Variants in CDRT4 observed in about 807,000 individuals in gnomAD.
CDRT4 encodes CMT1A duplicated region transcript 4, also known as CMT1A duplicated region transcript 4 protein.
For synonymous variants in CDRT4, 64 were observed against 69.6 expected, an observed-to-expected ratio of 0.92 and a Z score of 0.40; for missense variants, 167 against 193.1, an observed-to-expected ratio of 0.87 and a Z score of 0.80.
At chr17:15,444,170 TG>T in intron 2 of CDRT4, 1 of 1,175,572 alleles carries the variant, frequency 8.5e-7, no homozygotes, top group Non-Finnish European at 1.3e-6. Flanking sequence ...AAAAAGGAAC[TG>T]TTCAGCAGGC....
At chr17:15,445,661 G>A (rs1386486838) in intron 2 of CDRT4, among the ~76,000 whole-genome samples, 1 of 152,156 alleles carries the variant, frequency 6.6e-6, no homozygotes, top group African/African-American at 2.4e-5. Flanking sequence ...GGGTATAACA[G>A]GGTCTTCAAT....
intron 2 of CDRT4, among the ~76,000 whole-genome samples, chr17:15,441,715 G>A (rs12941020): frequency 0.23 from 35,416 of 152,044 alleles, 4,795 homozygotes; most frequent in South Asian, 0.34. Flanking sequence ...AACAAAGGAT[G>A]GCATCCCGGA....
At chr17:15,465,355 A>T (rs969348924) in intron 1 of CDRT4, among the ~76,000 whole-genome samples, 4 of 147,764 alleles carry the variant, frequency 2.7e-5, no homozygotes, top group African/African-American at 1.0e-4. Flanking sequence ...ACATACCAAC[A>T]CCAGACACAC....
At chr17:15,449,860 C>T (rs57545907) in intron 2 of CDRT4, among the ~76,000 whole-genome samples, 3,739 of 152,290 alleles carry the variant, frequency 0.025, 149 homozygotes, top group African/African-American at 0.086. Flanking sequence ...TGGCTTCCAG[C>T]TCCATCTATA....
rs574506192 is a variant in CDRT4 at position 15,437,442 on chromosome 17, T to C, written c.*331A>G. On this transcript the variant is annotated 3_prime_UTR_variant, in exon 4 of 4. Coordinates refer to ENST00000619038, the MANE Select transcript of CDRT4 (RefSeq NM_001204477.2). ...ACCTGGTTAATCATTCTTTATATTA[T>C]CTCTAATAAAAGAGCTTGTGTGATT... The C allele has an allele frequency of 7.8e-5, 28 of 359,548 alleles. 1 individual carries two copies. The highest frequency in any genetic ancestry group is 2.7e-4 in the South Asian group (7 of 26,290). The allele number at this position is 359,548 out of a possible 1,614,324, so 22.3% of individuals were successfully genotyped here. A position where few individuals can be genotyped will look rare whatever the true frequency, so the allele number is the denominator to read the frequency against.
intron 1 of CDRT4, among the ~76,000 whole-genome samples, chr17:15,465,089 C>G (rs953653631): frequency 6.9e-6 from 1 of 144,938 alleles, no homozygotes. Flanking sequence ...TACAGACACA[C>G]ACAACACAGA....
At chr17:15,448,250 C>G (rs1230052458) in intron 2 of CDRT4, among the ~76,000 whole-genome samples, 1 of 152,130 alleles carries the variant, frequency 6.6e-6, no homozygotes, top group Non-Finnish European at 1.5e-5. Flanking sequence ...AGAAGAAGCC[C>G]CAGTCTCCAC....
At chr17:15,442,905 A>C (rs564808538) in intron 2 of CDRT4, among the ~76,000 whole-genome samples, 1 of 152,344 alleles carries the variant, frequency 6.6e-6, no homozygotes, top group East Asian at 1.9e-4. Flanking sequence ...ATTCCAGCAC[A>C]AAGGTTCCAT....
chr17:15,455,378 G>A lies in CDRT4; in HGVS notation c.-129-2293C>T, dbSNP rs1011415319. Among the ~76,000 whole-genome samples the A allele has an allele frequency of 2.0e-5, 3 of 152,196 alleles. No individual in the cohort carries two copies. The South Asian group carries it at 6.2e-4, about 32-fold the overall frequency. The stretch of plus-strand genomic sequence containing the variant: ...TCTTAACAGAACTGCAAAGGTGACA[G>A]AGCCAATAGGATGAATGGCAATTGG... On this transcript the variant is annotated intron_variant, in intron 1 of 3. Transcript: ENST00000619038.
rs1039096062 is a variant in CDRT4, at chr17:15,437,720, G to C, written c.*53C>G. ...GAGCTTAACTTTTGTACGTTCTTGG[G>C]GAATGGCTGCAGGGACCCCTGGCTA... On this transcript the variant is annotated 3_prime_UTR_variant, in exon 4 of 4. Coordinates refer to ENST00000619038, the MANE Select transcript of CDRT4 (RefSeq NM_001204477.2). 23 of 1,559,924 alleles carry C rather than the reference G, an allele frequency of 1.5e-5. No individual in the cohort carries two copies. The highest frequency in any genetic ancestry group is 1.9e-5 in the Non-Finnish European group (22 of 1,137,952).
intron 2 of CDRT4, among the ~76,000 whole-genome samples, chr17:15,448,304 T>A (rs1011749779): frequency 1.3e-5 from 2 of 152,216 alleles, no homozygotes; most frequent in Non-Finnish European, 2.9e-5. Flanking sequence ...GCCCATAGCA[T>A]GACCATGCAG....
intron 1 of CDRT4, among the ~76,000 whole-genome samples, chr17:15,466,948 T>C (rs1980067822): frequency 6.6e-6 from 1 of 152,234 alleles, no homozygotes; most frequent in African/African-American, 2.4e-5. Context: ...TGCTTAATAA[T>C]TTTTTAAAGG....
chr17:15,446,377 G>A (rs1979027967), intron 2 of CDRT4, among the ~76,000 whole-genome samples: 1 of 152,072 alleles, frequency 6.6e-6, no homozygotes, highest in African/African-American at 2.4e-5. Context: ...ACAAGAAGAT[G>A]ACCATTTCTT....
rs561679143 is a variant in CDRT4, at chr17:15,464,978, C to T, written c.-130+2482G>A. Among the ~76,000 whole-genome samples the T allele has an allele frequency of 6.6e-6, 1 of 150,434 alleles. No individual in the cohort carries two copies. Among genetic ancestry groups the T allele is most frequent in the Admixed American group, 6.6e-5 (1 of 15,150 alleles). On this transcript the variant is annotated intron_variant, in intron 1 of 3. Transcript: ENST00000619038. This position sits in a 1 kb window ranked among gnomAD's most constrained non-coding sequence, Gnocchi z 4.5. ...ACAGACACACACACCAACAGACACACCAACACACAGACACACGCAATACAG... is the reference window on the plus strand; with the variant it reads ...ACAGACACACACACCAACAGACACATCAACACACAGACACACGCAATACAG...
intron 1 of CDRT4, among the ~76,000 whole-genome samples, chr17:15,453,944 C>T (rs923177454): frequency 2.0e-5 from 3 of 152,204 alleles, no homozygotes; most frequent in African/African-American, 4.8e-5. Context: ...GCACAGGGCA[C>T]AGGCACATGG....
chr17:15,444,780 T>C (rs1978944447), intron 2 of CDRT4, among the ~76,000 whole-genome samples: 1 of 151,418 alleles, frequency 6.6e-6, no homozygotes, highest in African/African-American at 2.4e-5. Flanking sequence ...TTTCCAGTCC[T>C]AAGACACATG....
intron 1 of CDRT4, among the ~76,000 whole-genome samples, chr17:15,454,554 T>C (rs540316695): frequency 1.3e-5 from 2 of 152,246 alleles, no homozygotes; most frequent in South Asian, 4.2e-4. Flanking sequence ...CCATGTCCGC[T>C]CTCCCTCACC....
chr17:15,438,033 G>A lies in CDRT4; in HGVS notation c.199C>T (p.Gln67Ter). The A allele has an allele frequency of 6.2e-7, 1 of 1,614,136 alleles. No individual in the cohort carries two copies. The change falls in exon 4 of 4, where the codon CAG becomes TAG. Residue 67 changes from glutamine (Q) to a stop codon, truncating the protein, a stop_gained. Coordinates refer to ENST00000619038, the MANE Select transcript of CDRT4 (RefSeq NM_001204477.2). LOFTEE classifies it low-confidence loss of function (END_TRUNC). ...TGAATGACGCTGGAAGGTTTATTCT[G>A]CCTTGATGCCCAGGGTCTTTCCTCG... is the stretch of plus-strand genomic sequence containing the variant. Reference protein sequence around the residue: ...ALEERPWASRQNKPSSVIQPK... With the variant: ...ALEERPWASR
intron 2 of CDRT4, among the ~76,000 whole-genome samples, chr17:15,441,508 C>T (rs1474949080): frequency 6.6e-6 from 1 of 152,202 alleles, no homozygotes; most frequent in Admixed American, 6.5e-5. Flanking sequence ...CTGCCACGTA[C>T]GTGAGGGCTG....
Sources: allele counts gnomAD v4.1 joint callset (sites outside exome capture counted in the v4.1 genomes callset), GRCh38; gene constraint gnomAD v4.1.1; non-coding constraint Gnocchi (gnomAD v3.1); transcripts MANE v1.5; gene names NCBI Gene and HGNC (gene_info 2026-07-23, HGNC 2026-07-21).